Variants in DYNLT2B observed in about 807,000 individuals in gnomAD.
DYNLT2B encodes the protein dynein light chain Tctex-type protein 2B.
A neutral mutation model predicts 19.5 loss-of-function variants in DYNLT2B; 14 were observed. The ratio of observed to expected loss-of-function variants is 0.72; its 90% CI spans 0.47 to 1.12. The LOEUF (loss-of-function observed/expected upper bound fraction) is 1.12, where lower values mean the gene tolerates loss of function less well. Ranked by LOEUF, DYNLT2B falls within the 50% of genes most tolerant of loss-of-function variation. The probability of loss-of-function intolerance (pLI) is 0.00; values close to 1 mark genes in which losing one functional copy is unlikely to be tolerated. For missense variants in DYNLT2B, 133 were observed against 174.7 expected, an observed-to-expected ratio of 0.76 and a Z score of 1.35; for synonymous variants, 70 against 59.7, an observed-to-expected ratio of 1.17 and a Z score of -0.79.
chr3:196,308,896 A>G (rs753520535), intron 2 of DYNLT2B, among the ~76,000 whole-genome samples: 2 of 152,154 alleles, frequency 1.3e-5, no homozygotes, highest in Non-Finnish European at 2.9e-5. Context: ...AGTCTCAGAT[A>G]TGGTGGGGAG....
At chr3:196,306,482 T>C (rs111471009) in intron 3 of DYNLT2B, among the ~76,000 whole-genome samples, 5,000 of 152,026 alleles carry the variant, frequency 0.033, 286 homozygotes, top group African/African-American at 0.11. Context: ...ATATGAGGCA[T>C]ATCTGAATAA....
At chr3:196,313,646 C>T (rs1418130242) in intron 2 of DYNLT2B, among the ~76,000 whole-genome samples, 2 of 152,090 alleles carry the variant, frequency 1.3e-5, no homozygotes, top group African/African-American at 4.8e-5. Flanking sequence ...AACAAAAATG[C>T]TAATATACTA....
chr3:196,297,349 A>AC (rs1194541371), intron 3 of DYNLT2B, among the ~76,000 whole-genome samples: 2 of 151,992 alleles, frequency 1.3e-5, no homozygotes, highest in Non-Finnish European at 2.9e-5. Flanking sequence ...ACATGGTGAA[A>AC]CCCCATCTCT....
chr3:196,318,154 C>A lies in DYNLT2B; in HGVS notation c.-2G>T. 2 of 1,511,674 alleles carry A rather than the reference C, an allele frequency of 1.3e-6. No individual in the cohort carries two copies. Among genetic ancestry groups the A allele is most frequent in the South Asian group, 1.2e-5 (1 of 81,264 alleles). 93.6% of individuals were successfully genotyped at this position (1,511,674 alleles called of 1,614,324 possible). A position where few individuals can be genotyped will look rare whatever the true frequency, so the allele number is the denominator to read the frequency against. Reference sequence around the variant, plus strand: ...GGACACTCCGATGGACGTGGCCATGCCGGGGCTTCTCGGTCCGGGCGTAGC... The same window carrying A: ...GGACACTCCGATGGACGTGGCCATGACGGGGCTTCTCGGTCCGGGCGTAGC... On this transcript the variant is annotated 5_prime_UTR_variant, in exon 1 of 5. Coordinates refer to ENST00000325318, the MANE Select transcript of DYNLT2B (RefSeq NM_152773.5).
At chr3:196,300,699 A>C (rs945408762) in intron 3 of DYNLT2B, among the ~76,000 whole-genome samples, 1 of 145,956 alleles carries the variant, frequency 6.9e-6, no homozygotes, top group African/African-American at 2.5e-5. Context: ...ATTGCACTCC[A>C]GCCTGGGCAA....
intron 1 of DYNLT2B, among the ~76,000 whole-genome samples, chr3:196,317,572 C>T (rs1726908665): frequency 6.6e-6 from 1 of 152,040 alleles, no homozygotes; most frequent in Non-Finnish European, 1.5e-5. Flanking sequence ...CTAGCGAGGG[C>T]TCGCTGCGGT....
chr3:196,292,655 T>C (rs1369565528), intron 4 of DYNLT2B: 1 of 152,178 alleles, frequency 6.6e-6, no homozygotes, highest in Non-Finnish European at 1.5e-5. Context: ...GTTTACCTCA[T>C]CATGGACCTG....
rs561866410 is a variant in DYNLT2B at position 196,303,101 on chromosome 3, C to G, written c.317+3842G>C. On this transcript the variant is annotated intron_variant, in intron 3 of 4. Transcript: ENST00000325318. ...ACTTGATGGATCAGCTGGCACCACC[C>G]AGATGGATAAACTGGCTCATCTGAT... is the stretch of plus-strand genomic sequence containing the variant. Among the ~76,000 whole-genome samples the G allele has an allele frequency of 3.3e-5, 5 of 152,196 alleles. No individual in the cohort carries two copies. In the South Asian group the frequency reaches 1.0e-3, roughly 32 times the overall value.
At chr3:196,304,678 C>T (rs985596664) in intron 3 of DYNLT2B, among the ~76,000 whole-genome samples, 3 of 148,046 alleles carry the variant, frequency 2.0e-5, no homozygotes, top group African/African-American at 4.9e-5. Context: ...GAGACAAAAG[C>T]GAAACTCCAT....
intron 2 of DYNLT2B, among the ~76,000 whole-genome samples, chr3:196,307,592 C>A (rs959390751): frequency 2.0e-5 from 3 of 151,788 alleles, no homozygotes; most frequent in Non-Finnish European, 4.4e-5. Flanking sequence ...CGTGAGCCAC[C>A]GCGCCCGGTC....
intron 3 of DYNLT2B, among the ~76,000 whole-genome samples, chr3:196,299,891 A>G (rs1042990855): frequency 5.3e-5 from 8 of 152,202 alleles, no homozygotes; most frequent in African/African-American, 1.7e-4. Flanking sequence ...AGATGGCACC[A>G]CTGCACTCCA....
intron 3 of DYNLT2B, among the ~76,000 whole-genome samples, chr3:196,297,549 A>G (rs1192679706): frequency 2.0e-5 from 3 of 151,862 alleles, no homozygotes; most frequent in Non-Finnish European, 4.4e-5. Flanking sequence ...AATAATAATA[A>G]TAAGTGAAAA....
intron 3 of DYNLT2B, among the ~76,000 whole-genome samples, chr3:196,299,395 G>A (rs1328346031): frequency 6.6e-6 from 1 of 151,466 alleles, no homozygotes; most frequent in Non-Finnish European, 1.5e-5. Flanking sequence ...CTAATTTTTT[G>A]TATTTTTGGT....
intron 3 of DYNLT2B, among the ~76,000 whole-genome samples, chr3:196,297,188 A>C (rs1487554228): frequency 1.3e-5 from 2 of 152,102 alleles, no homozygotes; most frequent in African/African-American, 4.8e-5. Flanking sequence ...TCTTAAAAAA[A>C]AAATTCCAAG....
intron 2 of DYNLT2B, among the ~76,000 whole-genome samples, chr3:196,313,169 G>A (rs1726686085): frequency 6.6e-6 from 1 of 151,764 alleles, no homozygotes; most frequent in African/African-American, 2.4e-5. Context: ...ACATGTAGAA[G>A]TCTGTTGTAA....
chr3:196,317,992 A>C (rs1226713337), intron 1 of DYNLT2B, 48 bp downstream of exon 1: 2 of 1,242,676 alleles, frequency 1.6e-6, no homozygotes, highest in South Asian at 1.7e-5. Context: ...TCCGCCCCTC[A>C]GACCAGCGCG....
At chr3:196,293,549 C>G (rs1726143928) in intron 4 of DYNLT2B, among the ~76,000 whole-genome samples, 1 of 151,566 alleles carries the variant, frequency 6.6e-6, no homozygotes, top group African/African-American at 2.4e-5. Context: ...TTACTTGAAC[C>G]TGGGAGGCAG....
rs140998103 is a variant in DYNLT2B at position 196,317,062 on chromosome 3, GGTGTGT to G, written c.114-837_114-832del. 4.0e-3 allele frequency among the ~76,000 whole-genome samples: 209 copies of G among 52,254 alleles called. 22 individuals are homozygous for G. Among genetic ancestry groups the G allele is most frequent in the Non-Finnish European group, 5.7e-3 (154 of 27,122 alleles). 34.3% of individuals were successfully genotyped at this position (52,254 alleles called of 152,430 possible). On this transcript the variant is annotated intron_variant, in intron 1 of 4. Transcript: ENST00000325318. ...TGTGTGTGTTGTGTGGTGTGTGTGT[GGTGTGT>G]GTGTGTGTGTGTGTGTGTGTAAAGT...
intron 2 of DYNLT2B, among the ~76,000 whole-genome samples, chr3:196,309,954 AAAAAG>A (rs1478592090): frequency 8.6e-5 from 13 of 152,040 alleles, no homozygotes; most frequent in South Asian, 2.1e-4. Flanking sequence ...GTCCAAAAAA[AAAAAG>A]AAAAGAAAAG....
Sources: allele counts gnomAD v4.1 joint callset (sites outside exome capture counted in the v4.1 genomes callset), GRCh38; gene constraint gnomAD v4.1.1; transcripts MANE v1.5; gene names NCBI Gene and HGNC (gene_info 2026-07-23, HGNC 2026-07-21).